EIF3K: variants seen among roughly 807,000 people sequenced by gnomAD.
EIF3K encodes the protein eIF-3 p28.
In EIF3K, 27 loss-of-function variants were observed where a neutral mutation model predicts 34.2. That is an observed-to-expected ratio of 0.79 (90% CI 0.58 to 1.09). The LOEUF is 1.09. EIF3K is among the 50% of genes least tolerant of loss of function. The pLI, the probability that EIF3K is intolerant of heterozygous loss-of-function variation, is 0.00. For missense variants in EIF3K, 232 were observed against 275.4 expected, an observed-to-expected ratio of 0.84 and a Z score of 1.11; for synonymous variants, 105 against 105.7, an observed-to-expected ratio of 0.99 and a Z score of 0.04.
rs772662121 is a variant in EIF3K at position 38,619,334 on chromosome 19, GC to G, written c.59+10del. On this transcript the variant is annotated splice_region_variant and intron_variant, in intron 1 of 7. Transcript: ENST00000248342. ...TGCTCAAGGGTATCGACAGGTCTGA[GC>G]CCGGTTGGAGGAAGCGCTCTGGCCA... 6.2e-6 allele frequency: 10 copies of G among 1,613,644 alleles called. No homozygotes were observed. In the African/African-American group the frequency reaches 1.3e-4, roughly 22 times the overall value.
intron 1 of EIF3K, among the ~76,000 whole-genome samples, 164 bp downstream of exon 1, chr19:38,619,491 G>A (rs999496546): frequency 6.6e-6 from 1 of 152,200 alleles, no homozygotes; most frequent in African/African-American, 2.4e-5. Flanking sequence ...GCTGGGGGTA[G>A]TGGCTCACGC....
chr19:38,627,010 A>C (rs1465972896), intron 4 of EIF3K, among the ~76,000 whole-genome samples: 1 of 151,838 alleles, frequency 6.6e-6, no homozygotes, highest in Non-Finnish European at 1.5e-5. Flanking sequence ...TATTTTTGAG[A>C]CAGAGTCTCA....
chr19:38,631,800 G>A (rs1259065452), intron 4 of EIF3K, among the ~76,000 whole-genome samples: 1 of 152,214 alleles, frequency 6.6e-6, no homozygotes, highest in Non-Finnish European at 1.5e-5. Flanking sequence ...GGTCCCTGCG[G>A]TCTTCCGCAG....
rs565785218 is a variant in EIF3K at position 38,626,094 on chromosome 19, G to T, written c.346G>T (p.Ala116Ser). The change falls in exon 4 of 8, where the codon GCC (alanine) becomes TCC (serine). Residue 116 changes from alanine (A) to serine (S), a missense_variant. Ala to Ser is a moderately conservative substitution (Grantham distance 99). Coordinates refer to ENST00000248342, the MANE Select transcript of EIF3K (RefSeq NM_013234.4). ...GDLLETCHFQ[A>S]FWQALDENMD... The stretch of plus-strand genomic sequence containing the variant: ...CCTGCTGGAGACCTGCCATTTCCAG[G>T]CCTTCTGGGTAACTTCCCTGGGGTC... 39 of 1,614,116 alleles carry T rather than the reference G, an allele frequency of 2.4e-5. No individual in the cohort carries two copies. The East Asian group carries it at 7.6e-4, about 31-fold the overall frequency.
intron 7 of EIF3K, among the ~76,000 whole-genome samples, chr19:38,636,000 T>C (rs2144786331): frequency 6.6e-6 from 1 of 152,336 alleles, no homozygotes; most frequent in Non-Finnish European, 1.5e-5. Context: ...CAGCTAATTT[T>C]GTACTTAACT....
At chr19:38,630,355 T>A (rs112982040) in intron 4 of EIF3K, among the ~76,000 whole-genome samples, 6,055 of 148,616 alleles carry the variant, frequency 0.041, 269 homozygotes, top group African/African-American at 0.11. Flanking sequence ...TTATTTTTTT[T>A]TTTTTTTGAG....
At chr19:38,630,281 G>C (rs1464950969) in intron 4 of EIF3K, among the ~76,000 whole-genome samples, 1 of 151,126 alleles carries the variant, frequency 6.6e-6, no homozygotes, top group South Asian at 2.1e-4. Context: ...ATCTTCCCAA[G>C]TGGCTGGGAT....
chr19:38,633,071 A>G (rs1167816489), intron 6 of EIF3K, among the ~76,000 whole-genome samples: 1 of 152,194 alleles, frequency 6.6e-6, no homozygotes, highest in Non-Finnish European at 1.5e-5. Flanking sequence ...TTACCTCCGT[A>G]GAGAGAGGCC....
In EIF3K at chr19:38,619,332, G is replaced by A. The variant is rs1357065408; in HGVS notation, c.59+5G>A. ...GTTGCTCAAGGGTATCGACAGGTCT[G>A]AGCCCGGTTGGAGGAAGCGCTCTGG... is the stretch of plus-strand genomic sequence containing the variant. On this transcript the variant is annotated splice_donor_5th_base_variant and intron_variant, in intron 1 of 7. Coordinates refer to ENST00000248342, the MANE Select transcript of EIF3K (RefSeq NM_013234.4). 2 of 1,613,784 alleles carry A rather than the reference G, an allele frequency of 1.2e-6. No individual in the cohort carries two copies. Among genetic ancestry groups the A allele is most frequent in the Admixed American group, 1.7e-5 (1 of 60,012 alleles).
chr19:38,630,900 T>C (rs1976050858), intron 4 of EIF3K: 1 of 150,940 alleles, frequency 6.6e-6, no homozygotes, highest in African/African-American at 2.4e-5. Context: ...GGTCTCGAAC[T>C]CCCGACCTCA....
intron 4 of EIF3K, among the ~76,000 whole-genome samples, chr19:38,626,890 T>A (rs1415093770): frequency 2.0e-5 from 3 of 152,206 alleles, no homozygotes; most frequent in African/African-American, 7.2e-5. Flanking sequence ...CACTGCAACC[T>A]CTGCTTCCCG....
rs1238693390 is a variant in EIF3K, at chr19:38,629,586, G to A, written c.355-2844G>A. Reference sequence around the variant, plus strand: ...CTGGGATTACAGGTTGAGCCACCACGCCCGGCCACAAATCTGGATTTCTGC... The same window carrying A: ...CTGGGATTACAGGTTGAGCCACCACACCCGGCCACAAATCTGGATTTCTGC... On this transcript the variant is annotated intron_variant, in intron 4 of 7. Coordinates refer to ENST00000248342, the MANE Select transcript of EIF3K (RefSeq NM_013234.4). Among the ~76,000 whole-genome samples the A allele has an allele frequency of 4.6e-5, 7 of 152,228 alleles. 1 individual carries two copies. The South Asian group carries it at 1.4e-3, about 32-fold the overall frequency.
At chr19:38,636,375 C>T (rs1382456734) in intron 7 of EIF3K, among the ~76,000 whole-genome samples, 3 of 152,072 alleles carry the variant, frequency 2.0e-5, no homozygotes, top group Non-Finnish European at 4.4e-5. Context: ...TCAAAATACT[C>T]AGGAGGCTGA....
chr19:38,624,402 T>C (rs781637631), intron 3 of EIF3K, among the ~76,000 whole-genome samples: 3 of 151,988 alleles, frequency 2.0e-5, no homozygotes, highest in Admixed American at 2.0e-4. Flanking sequence ...CGCAGTCCAG[T>C]GAAGAGTCAG....
chr19:38,631,002 G>A (rs1229933611), intron 4 of EIF3K: 1 of 152,212 alleles, frequency 6.6e-6, no homozygotes, highest in Non-Finnish European at 1.5e-5. Context: ...GTAGAGACAG[G>A]GTTTCACCCT....
chr19:38,625,219 C>A (rs543320803), intron 3 of EIF3K, among the ~76,000 whole-genome samples: 6 of 151,790 alleles, frequency 4.0e-5, no homozygotes, highest in Admixed American at 3.9e-4. Context: ...GTCTGGAGTG[C>A]AGTGGCGTGA....
intron 2 of EIF3K, among the ~76,000 whole-genome samples, chr19:38,620,795 G>T (rs142735602): frequency 0.015 from 2,291 of 152,260 alleles, 53 homozygotes; most frequent in African/African-American, 0.051. Context: ...TCGGGAGGCT[G>T]AGGCAGGAGA....
chr19:38,620,943 T>A (rs1422283207), intron 2 of EIF3K, among the ~76,000 whole-genome samples: 1 of 151,902 alleles, frequency 6.6e-6, no homozygotes, highest in Non-Finnish European at 1.5e-5. Flanking sequence ...GGCTCATGCC[T>A]GTAATCCCAG....
At chr19:38,634,805 T>A (rs566860866) in intron 6 of EIF3K, among the ~76,000 whole-genome samples, 188 bp from the exon 7 acceptor site, 1 of 152,192 alleles carries the variant, frequency 6.6e-6, no homozygotes, top group African/African-American at 2.4e-5. Flanking sequence ...TGGCGGCCAT[T>A]CAGAGAATGA....
Sources: allele counts gnomAD v4.1 joint callset (sites outside exome capture counted in the v4.1 genomes callset), GRCh38; gene constraint gnomAD v4.1.1; transcripts MANE v1.5; gene names NCBI Gene and HGNC (gene_info 2026-07-23, HGNC 2026-07-21).